Variants in DSCAM observed in about 807,000 individuals in gnomAD.
DSCAM encodes DS cell adhesion molecule.
Under a neutral mutation model 217.7 loss-of-function variants are expected in DSCAM, and 47 were observed. That is an observed-to-expected ratio of 0.22 (90% confidence interval 0.17 to 0.28). DSCAM has a LOEUF of 0.28. Ranked by LOEUF, DSCAM falls within the 10% of genes least tolerant of loss-of-function variation. The pLI is 1.00. For missense variants in DSCAM, 2,080 were observed against 2,618.3 expected, an observed-to-expected ratio of 0.79 and a Z score of 4.49; for synonymous variants, 1,056 against 1,015.3, an observed-to-expected ratio of 1.04 and a Z score of -0.76.
chr21:40,482,944 G>A (rs1413230529), intron 3 of DSCAM, among the ~76,000 whole-genome samples: 2 of 152,188 alleles, frequency 1.3e-5, no homozygotes, highest in African/African-American at 2.4e-5. Context: ...CCGCCTAATT[G>A]TGAAATTTTT....
intron 3 of DSCAM, among the ~76,000 whole-genome samples, chr21:40,415,744 G>C (rs543196840): frequency 1.2e-4 from 18 of 152,130 alleles, no homozygotes; most frequent in African/African-American, 4.1e-4. Context: ...TCCCCAGGGG[G>C]CCGGTGGGAC....
chr21:40,388,950 A>G (rs1469135275), intron 3 of DSCAM, among the ~76,000 whole-genome samples: 1 of 152,206 alleles, frequency 6.6e-6, no homozygotes, highest in Admixed American at 6.5e-5. Context: ...CAGTAAATGT[A>G]GTGTACAGTG....
chr21:40,727,116 T>C (rs1255238827), intron 1 of DSCAM, among the ~76,000 whole-genome samples: 6 of 152,210 alleles, frequency 3.9e-5, no homozygotes, highest in Non-Finnish European at 8.8e-5. Context: ...CATTCTCACC[T>C]ACATCAGTCA....
chr21:40,766,399 T>C (rs564791112), intron 1 of DSCAM, among the ~76,000 whole-genome samples: 46 of 152,272 alleles, frequency 3.0e-4, no homozygotes, highest in African/African-American at 1.1e-3. Flanking sequence ...TATGACATTC[T>C]TAAACCTAAG....
intron 2 of DSCAM, among the ~76,000 whole-genome samples, chr21:40,707,040 C>T (rs2090725405): frequency 3.9e-5 from 6 of 152,140 alleles, no homozygotes; most frequent in Admixed American, 3.9e-4. Flanking sequence ...CAGTGTCATG[C>T]AAAAACAATG....
chr21:40,834,387 A>G (rs1326030103), intron 1 of DSCAM, among the ~76,000 whole-genome samples: 1 of 149,340 alleles, frequency 6.7e-6, no homozygotes, highest in Non-Finnish European at 1.5e-5. Flanking sequence ...AGCCTGGGCG[A>G]CAGAGTGAGA....
At chr21:40,784,868 T>G (rs1396859169) in intron 1 of DSCAM, among the ~76,000 whole-genome samples, 1 of 152,250 alleles carries the variant, frequency 6.6e-6, no homozygotes, top group Admixed American at 6.5e-5. Context: ...TGTTGGTTTT[T>G]GAGAAGCACA....
chr21:40,100,863 T>A (rs1289985117), intron 20 of DSCAM, among the ~76,000 whole-genome samples: 1 of 152,208 alleles, frequency 6.6e-6, no homozygotes. Context: ...CTCATCTTCT[T>A]TAGAGTTAAG....
At chr21:40,809,225 G>A (rs1366267442) in intron 1 of DSCAM, among the ~76,000 whole-genome samples, 1 of 152,128 alleles carries the variant, frequency 6.6e-6, no homozygotes, top group African/African-American at 2.4e-5. Context: ...CTGCCACCAT[G>A]TCCCAGGACA....
intron 18 of DSCAM, among the ~76,000 whole-genome samples, chr21:40,141,089 G>A (rs766753346): frequency 2.6e-5 from 4 of 152,192 alleles, no homozygotes; most frequent in African/African-American, 4.8e-5. Context: ...GCCTATGCTC[G>A]CTGAGCCAGT....
chr21:40,528,045 G>A lies in DSCAM; in HGVS notation c.509-158800C>T, dbSNP rs576782612. ...CCTTTTTAAACCTCAAAGCCAAAAA[G>A]CAAACCTTTCAACACTGGGGTGGTT... On this transcript the variant is annotated intron_variant, in intron 3 of 32. Transcript: ENST00000400454. 2.6e-5 allele frequency among the ~76,000 whole-genome samples: 4 copies of A among 152,304 alleles called. No homozygotes were observed. In the South Asian group the frequency reaches 8.3e-4, roughly 32 times the overall value.
intron 1 of DSCAM, among the ~76,000 whole-genome samples, chr21:40,786,238 A>G (rs1258856574): frequency 6.9e-6 from 1 of 144,052 alleles, no homozygotes; most frequent in African/African-American, 2.5e-5. Context: ...CTCAGTCTCA[A>G]AACAAAACAA....
chr21:40,260,996 C>T (rs752548608), intron 11 of DSCAM, among the ~76,000 whole-genome samples: 2 of 152,140 alleles, frequency 1.3e-5, no homozygotes, highest in African/African-American at 2.4e-5. Flanking sequence ...AGCTCTGTGA[C>T]CGAGATGGAT....
intron 1 of DSCAM, among the ~76,000 whole-genome samples, chr21:40,788,387 C>T (rs2123455225): frequency 6.6e-6 from 1 of 152,122 alleles, no homozygotes; most frequent in African/African-American, 2.4e-5. Flanking sequence ...TAAAGTGTAA[C>T]TTTTTTTTAA....
At chr21:40,517,564 T>C (rs764155366) in intron 3 of DSCAM, among the ~76,000 whole-genome samples, 6 of 152,150 alleles carry the variant, frequency 3.9e-5, no homozygotes, top group African/African-American at 1.4e-4. Flanking sequence ...CCTCCTTTTC[T>C]AATATGTCTA....
chr21:40,299,419 G>C (rs567590223), intron 9 of DSCAM, among the ~76,000 whole-genome samples: 13 of 152,052 alleles, frequency 8.5e-5, no homozygotes, highest in Non-Finnish European at 1.8e-4. Flanking sequence ...TCTAAGACTG[G>C]GAACATCCAT....
intron 3 of DSCAM, among the ~76,000 whole-genome samples, chr21:40,686,259 C>CCA (rs1332965309): frequency 1.3e-5 from 2 of 148,984 alleles, no homozygotes; most frequent in Admixed American, 6.7e-5. Context: ...AGCACACACT[C>CCA]CACACACACA....
chr21:40,237,728 C>G (rs936400973), intron 11 of DSCAM, among the ~76,000 whole-genome samples: 1 of 152,080 alleles, frequency 6.6e-6, no homozygotes, highest in African/African-American at 2.4e-5. Flanking sequence ...GGGTATGTAC[C>G]TAGTAATGGG....
At chr21:40,439,250 T>C (rs1187724872) in intron 3 of DSCAM, among the ~76,000 whole-genome samples, 1 of 152,180 alleles carries the variant, frequency 6.6e-6, no homozygotes, top group Non-Finnish European at 1.5e-5. Flanking sequence ...AATTAGTTAA[T>C]ATTAGTTCCA....
Sources: allele counts gnomAD v4.1 joint callset (sites outside exome capture counted in the v4.1 genomes callset), GRCh38; gene constraint gnomAD v4.1.1; transcripts MANE v1.5; gene names NCBI Gene and HGNC (gene_info 2026-07-23, HGNC 2026-07-21).